Variants in DHX30 observed in about 807,000 individuals in gnomAD.
DHX30 encodes the protein ATP-dependent RNA helicase DHX30.
A neutral mutation model predicts 116.9 loss-of-function variants in DHX30; 4 were observed. The ratio of observed to expected loss-of-function variants is 0.03; its 90% confidence interval spans 0.02 to 0.08. DHX30 has a LOEUF of 0.08. Among genes scored for constraint, DHX30 ranks in the 10% least tolerant of loss-of-function variants. DHX30 has a pLI of 1.00. For missense variants in DHX30, 871 were observed against 1,595.1 expected (o/e 0.55, Z 7.73); for synonymous variants, 697 against 651.7 (o/e 1.07, Z -1.06).
Position 47,848,686 on chromosome 3 carries a change from G to C in DHX30, c.2638G>C (p.Asp880His). The change falls in exon 17 of 22, where the codon GAC becomes CAC. Residue 880 changes from aspartate (D) to histidine (H), a missense_variant. Physicochemically the swap from Asp to His is moderately conservative, Grantham distance 81 (BLOSUM62 -1). Coordinates refer to ENST00000445061, the MANE Select transcript of DHX30 (RefSeq NM_138615.3). The surrounding 1 kb of genome is among the most constrained non-coding windows in gnomAD (Gnocchi z 9.4). Reference sequence around the variant, plus strand: ...GCAGCGCCTGGCTCACATCTCCACCGACCCCCGGTTGGCCAAGGCCATTGT... The same window carrying C: ...GCAGCGCCTGGCTCACATCTCCACCCACCCCCGGTTGGCCAAGGCCATTGT... ...LGQRLAHIST[D>H]PRLAKAIVLA... 6.2e-7 allele frequency: 1 copy of C among 1,614,100 alleles called. No homozygotes were observed.
At chr3:47,820,042 G>A (rs2036229142) in intron 4 of DHX30, among the ~76,000 whole-genome samples, 1 of 152,240 alleles carries the variant, frequency 6.6e-6, no homozygotes, top group Admixed American at 6.5e-5. Context: ...GCCGGGCATG[G>A]TGGCTTACGC....
rs770041896 is a variant in DHX30, at chr3:47,847,315, C to G, written c.1972C>G (p.Leu658Val). The change falls in exon 12 of 22, where the codon CTG becomes GTG. Residue 658 changes from leucine to valine, a missense_variant. By Grantham distance (32) the Leu-to-Val change is conservative. Coordinates refer to ENST00000445061, the MANE Select transcript of DHX30 (RefSeq NM_138615.3). This position sits in a 1 kb window ranked among gnomAD's most constrained non-coding sequence, Gnocchi z 5.5. The stretch of plus-strand genomic sequence containing the variant: ...ACTCGATTTGGACCTTGTGACTGAT[C>G]TGGTTCTGCACATCGATGCTCGCGG... ...CALDLDLVTD[L>V]VLHIDARGEP... 3 of 1,614,246 alleles carry G rather than the reference C, an allele frequency of 1.9e-6. No homozygotes were observed. Among genetic ancestry groups the G allele is most frequent in the Non-Finnish European group, 2.5e-6 (3 of 1,180,036 alleles).
At position 47,848,010 on chromosome 3, in the gene DHX30, A is replaced by C; in HGVS notation, c.2286+54A>C. 6.2e-7 allele frequency: 1 copy of C among 1,604,480 alleles called. No homozygotes were observed. Among genetic ancestry groups the C allele is most frequent in the Non-Finnish European group, 8.5e-7 (1 of 1,173,210 alleles). On this transcript the variant is annotated intron_variant, in intron 14 of 21. Coordinates refer to ENST00000445061, the MANE Select transcript of DHX30 (RefSeq NM_138615.3). The surrounding 1 kb of genome is among the most constrained non-coding windows in gnomAD (Gnocchi z 9.4). Reference sequence around the variant, plus strand: ...CCACTGGGGGAGGGACTCCGTTTTGAGGTGGTCCCCAGCCCAGATCTACCT... The same window carrying C: ...CCACTGGGGGAGGGACTCCGTTTTGCGGTGGTCCCCAGCCCAGATCTACCT...
chr3:47,843,607 CG>C, intron 9 of DHX30, among the ~76,000 whole-genome samples: 1 of 152,218 alleles, frequency 6.6e-6, no homozygotes, highest in East Asian at 1.9e-4. Context: ...CCTGATAACC[CG>C]GGTTTTGTGG....
At chr3:47,818,884 G>A (rs2036171104) in intron 4 of DHX30, among the ~76,000 whole-genome samples, 1 of 152,128 alleles carries the variant, frequency 6.6e-6, no homozygotes, top group African/African-American at 2.4e-5. Flanking sequence ...ACACCCCTCT[G>A]CCTAGCAGAA....
At chr3:47,813,210 G>A (rs1159652290) in intron 3 of DHX30, among the ~76,000 whole-genome samples, 1 of 152,236 alleles carries the variant, frequency 6.6e-6, no homozygotes, top group East Asian at 1.9e-4. Context: ...GGGTGCGGTG[G>A]TGGGTGCCTA....
chr3:47,818,343 C>T (rs1334285698), intron 4 of DHX30, among the ~76,000 whole-genome samples: 2 of 152,194 alleles, frequency 1.3e-5, no homozygotes, highest in African/African-American at 4.8e-5. Flanking sequence ...TCTTGGGCCT[C>T]CTTGTGTGGC....
Position 47,805,436 on chromosome 3 carries a change from C to T in DHX30, c.-28+16C>T, listed in dbSNP as rs933427805. 3.3e-5 allele frequency: 13 copies of T among 399,008 alleles called. No individual in the cohort carries two copies. The highest frequency in any genetic ancestry group is 2.2e-4 in the Admixed American group (5 of 22,728). 24.7% of individuals were successfully genotyped at this position (399,008 alleles called of 1,614,324 possible). A position where few individuals can be genotyped will look rare whatever the true frequency, so the allele number is the denominator to read the frequency against. On this transcript the variant is annotated intron_variant, in intron 2 of 21. Coordinates refer to ENST00000445061, the MANE Select transcript of DHX30 (RefSeq NM_138615.3). ...CTTTTATAAGGTAAGTTGATTTAGC[C>T]GTGCACAGAGCAGTGGTGGATCTGA...
At chr3:47,845,511 A>G (rs894407253) in intron 9 of DHX30, 189 bp from the exon 10 acceptor site, 1 of 639,172 alleles carries the variant, frequency 1.6e-6, no homozygotes, top group African/African-American at 1.9e-5. Context: ...TTCATTTTTT[A>G]AAACGTTTAT....
At chr3:47,831,924 C>CTTTTTTTTT (rs1448275730) in intron 6 of DHX30, among the ~76,000 whole-genome samples, 19 of 120,416 alleles carry the variant, frequency 1.6e-4, no homozygotes, top group Non-Finnish European at 2.7e-4. Flanking sequence ...AGGCCTTTTC[C>CTTTTTTTTT]TTTTTCTTTT....
At chr3:47,811,213 C>A (rs1445994709) in intron 3 of DHX30, among the ~76,000 whole-genome samples, 3 of 152,026 alleles carry the variant, frequency 2.0e-5, no homozygotes, top group Non-Finnish European at 4.4e-5. Flanking sequence ...CTCGGCCTCC[C>A]AAAGTGCTGG....
intron 10 of DHX30, 26 bp from the exon 11 acceptor site, chr3:47,846,139 G>A: frequency 6.3e-7 from 1 of 1,590,032 alleles, no homozygotes; most frequent in Non-Finnish European, 8.6e-7. Context: ...CTTTTTCATT[G>A]TTTTGCTTGC....
intron 1 of DHX30, among the ~76,000 whole-genome samples, chr3:47,803,425 C>T (rs562228424): frequency 1.1e-4 from 16 of 152,168 alleles, no homozygotes; most frequent in African/African-American, 3.1e-4. Flanking sequence ...CTCGGCCTGC[C>T]GTTGCCATGG....
Position 47,847,266 on chromosome 3 carries a change from A to C in DHX30, c.1930-7A>C, listed in dbSNP as rs752344570. On this transcript the variant is annotated splice_polypyrimidine_tract_variant and splice_region_variant and intron_variant, in intron 11 of 21. Transcript: ENST00000445061. This position sits in a 1 kb window ranked among gnomAD's most constrained non-coding sequence, Gnocchi z 5.5. Reference sequence around the variant, plus strand: ...CTGTGACTGTGGCCTCTCTTCCCCCACCCCAGTCTGAGGATGAATGCGCAC... The same window carrying C: ...CTGTGACTGTGGCCTCTCTTCCCCCCCCCCAGTCTGAGGATGAATGCGCAC... The C allele has an allele frequency of 1.5e-5, 25 of 1,613,712 alleles. No homozygotes were observed. Among genetic ancestry groups the C allele is most frequent in the Non-Finnish European group, 2.0e-5 (24 of 1,179,968 alleles).
At chr3:47,818,598 A>G (rs2036159356) in intron 4 of DHX30, among the ~76,000 whole-genome samples, 1 of 152,140 alleles carries the variant, frequency 6.6e-6, no homozygotes, top group African/African-American at 2.4e-5. Context: ...CTTTACTGAC[A>G]TTAAAATGTG....
Position 47,829,027 on chromosome 3 carries a change from G to T in DHX30, c.259G>T (p.Val87Phe). ...ATTTCTCTCTTCTCTTCCCCAGAAA[G>T]TCACACTGCACATAAAATGGCCCAA... ...VHTNGPKKKK[V>F]TLHIKWPKSV... Residue 87 changes from valine to phenylalanine, a missense_variant, in exon 6 of 22, where the codon GTC (valine) becomes TTC (phenylalanine). Physicochemically the swap from Val to Phe is conservative, Grantham distance 50 (BLOSUM62 -1). Coordinates refer to ENST00000445061, the MANE Select transcript of DHX30 (RefSeq NM_138615.3). 6.2e-7 allele frequency: 1 copy of T among 1,604,306 alleles called. No homozygotes were observed. The highest frequency in any genetic ancestry group is 8.5e-7 in the Non-Finnish European group (1 of 1,173,208).
intron 10 of DHX30, 28 bp downstream of exon 10, chr3:47,845,880 C>T (rs766786959): frequency 1.3e-6 from 2 of 1,580,108 alleles, no homozygotes; most frequent in African/African-American, 1.3e-5. Context: ...CCTCACCACC[C>T]CTGCTCCCTG....
At chr3:47,841,831 G>GT in intron 8 of DHX30, 94 bp downstream of exon 8, 1 of 1,567,460 alleles carries the variant, frequency 6.4e-7, no homozygotes, top group Non-Finnish European at 8.7e-7. Flanking sequence ...CTGAGGGGGT[G>GT]TGTTCCTCCA....
At chr3:47,808,848 A>G (rs2035652135) in intron 2 of DHX30, among the ~76,000 whole-genome samples, 1 of 151,336 alleles carries the variant, frequency 6.6e-6, no homozygotes, top group African/African-American at 2.4e-5. Context: ...AAGTGCTGGG[A>G]TTACAGGCAT....
Sources: gnomAD v4.1 joint callset for allele counts (sites outside exome capture counted in the v4.1 genomes callset) on GRCh38, gnomAD v4.1.1 for gene constraint, Gnocchi (gnomAD v3.1) non-coding constraint, MANE v1.5 for transcripts, NCBI Gene and HGNC (gene_info 2026-07-23, HGNC 2026-07-21) for gene names.